The following KIF13A variants were observed in gnomAD, a reference collection of about 807,000 sequenced individuals.
KIF13A encodes the protein kinesin family member 13A.
In KIF13A, 79 loss-of-function variants were observed where a neutral mutation model predicts 212.2. The ratio of observed to expected loss-of-function variants is 0.37; its 90% CI spans 0.31 to 0.45. The LOEUF is 0.45. KIF13A is among the 20% of genes least tolerant of loss of function. The pLI is 1.00. For synonymous variants in KIF13A, 789 were observed against 808.6 expected (o/e 0.98, Z 0.41); for missense variants, 1,901 against 2,209.0 (o/e 0.86, Z 2.79).
At chr6:17,861,933 T>C (rs1386611417) in intron 4 of KIF13A, among the ~76,000 whole-genome samples, 1 of 152,252 alleles carries the variant, frequency 6.6e-6, no homozygotes, top group Admixed American at 6.5e-5. Flanking sequence ...GCCTATGATA[T>C]GTGCTATGCC....
chr6:17,960,868 A>T (rs1778760410), intron 2 of KIF13A, among the ~76,000 whole-genome samples: 2 of 152,234 alleles, frequency 1.3e-5, no homozygotes, highest in African/African-American at 4.8e-5. Context: ...GAGTGAATTC[A>T]CAGTATAACG....
chr6:17,849,806 A>G lies in KIF13A; in HGVS notation c.718-317T>C, dbSNP rs676754. 0.57 allele frequency among the ~76,000 whole-genome samples: 86,344 copies of G among 152,010 alleles called. 24,797 individuals carry two copies. The highest frequency in any genetic ancestry group is 0.65 in the African/African-American group (27,052 of 41,454). ...GGACATGAGGATTTCTGCACATTCA[A>G]GTCAAATCCTTCTTCCTTTGAAAAA... On this transcript the variant is annotated intron_variant, in intron 8 of 38. Transcript: ENST00000259711. This position sits in a 1 kb window ranked among gnomAD's most constrained non-coding sequence, Gnocchi z 5.7.
rs1356133994 is a variant in KIF13A at position 17,834,698 on chromosome 6, C to T, written c.1156-627G>A. 2.0e-5 allele frequency among the ~76,000 whole-genome samples: 3 copies of T among 152,116 alleles called. No individual in the cohort carries two copies. Among genetic ancestry groups the T allele is most frequent in the Admixed American group, 1.3e-4 (2 of 15,274 alleles). ...CTTAACAAAATTTTGAGGGGAGAGG[C>T]CTTTACTTGTCAATAATATGCTTTG... is the stretch of plus-strand genomic sequence containing the variant. On this transcript the variant is annotated intron_variant, in intron 11 of 38. Transcript: ENST00000259711. The surrounding 1 kb of genome is among the most constrained non-coding windows in gnomAD (Gnocchi z 4.0).
At chr6:17,957,553 A>G (rs1181721718) in intron 2 of KIF13A, among the ~76,000 whole-genome samples, 1 of 152,194 alleles carries the variant, frequency 6.6e-6, no homozygotes, top group Non-Finnish European at 1.5e-5. Flanking sequence ...CCCAACTTGA[A>G]GCTGGTAGGT....
At chr6:17,920,764 C>T (rs1265869840) in intron 2 of KIF13A, among the ~76,000 whole-genome samples, 2 of 151,666 alleles carry the variant, frequency 1.3e-5, no homozygotes, top group Admixed American at 1.3e-4. Flanking sequence ...ATCCCAGCTA[C>T]CCAGGAGGCT....
chr6:17,847,807 C>CTAT (rs555293356), intron 9 of KIF13A, among the ~76,000 whole-genome samples: 10 of 151,944 alleles, frequency 6.6e-5, no homozygotes, highest in Non-Finnish European at 1.2e-4. Flanking sequence ...GAAGTAGGTA[C>CTAT]TATTATTATT....
At position 17,837,232 on chromosome 6, in the gene KIF13A, G is replaced by A. The variant is rs939577719; in HGVS notation, c.943-142C>T. On this transcript the variant is annotated intron_variant, in intron 10 of 38. Transcript: ENST00000259711. The surrounding 1 kb of genome is among the most constrained non-coding windows in gnomAD (Gnocchi z 5.4). ...AATGGACTTGCATTTCACAAATAAC[G>A]TCATGACAAGATGAAATGTGTCCTC... 2.8e-5 allele frequency: 22 copies of A among 787,394 alleles called. No homozygotes were observed. Among genetic ancestry groups the A allele is most frequent in the Admixed American group, 1.6e-4 (6 of 38,682 alleles). 48.8% of individuals were successfully genotyped at this position (787,394 alleles called of 1,614,324 possible). A position where few individuals can be genotyped will look rare whatever the true frequency, so the allele number is the denominator to read the frequency against.
At chr6:17,833,737 T>C (rs1286510860) in intron 12 of KIF13A, among the ~76,000 whole-genome samples, 1 of 150,138 alleles carries the variant, frequency 6.7e-6, no homozygotes, top group African/African-American at 2.5e-5. Flanking sequence ...GCACCTGTAA[T>C]CCCAGCTACT....
Position 17,987,089 on chromosome 6 carries a change from C to A in KIF13A, c.111G>T (p.Leu37=). The A allele has an allele frequency of 6.2e-7, 1 of 1,613,660 alleles. No homozygotes were observed. The highest frequency in any genetic ancestry group is 8.5e-7 in the Non-Finnish European group (1 of 1,179,610). The change falls in exon 2 of 39, where the codon CTG becomes CTT. Residue 37 remains leucine (L), a synonymous_variant. Transcript: ENST00000259711. This position sits in a 1 kb window ranked among gnomAD's most constrained non-coding sequence, Gnocchi z 7.7. ...VVEMEGNQTV[L]HPPPSNTKQG... ...GTTTGGTGTTAGAAGGAGGAGGGTG[C>A]AGGACCGTTTGATTCCCTTCCATCT...
intron 3 of KIF13A, among the ~76,000 whole-genome samples, chr6:17,877,681 T>G (rs1472059522): frequency 6.6e-6 from 1 of 152,192 alleles, no homozygotes; most frequent in East Asian, 1.9e-4. Context: ...TTGTTTTTTT[T>G]GAAGTATCTT....
chr6:17,869,496 G>A (rs1356219669), intron 4 of KIF13A, among the ~76,000 whole-genome samples: 3 of 152,244 alleles, frequency 2.0e-5, no homozygotes, highest in East Asian at 3.9e-4. Flanking sequence ...TTTACCATAT[G>A]AGGAAACAGA....
chr6:17,986,244 T>C lies in KIF13A; in HGVS notation c.146+810A>G, dbSNP rs534602568. On this transcript the variant is annotated intron_variant, in intron 2 of 38. Transcript: ENST00000259711. ...TTTACAAGCTACTGCATTATTATAT[T>C]GAATGAATTCCAACCGATTTCTTCT... is the stretch of plus-strand genomic sequence containing the variant. Among the ~76,000 whole-genome samples, 10 of 152,364 alleles carry C rather than the reference T, an allele frequency of 6.6e-5. No individual in the cohort carries two copies. The South Asian group carries it at 2.1e-3, about 32-fold the overall frequency.
In KIF13A at chr6:17,987,564, G is replaced by T. The variant is rs112042959; in HGVS notation, c.-101C>A. 1.8e-6 allele frequency: 1 copy of T among 554,686 alleles called. No individual in the cohort carries two copies. The highest frequency in any genetic ancestry group is 2.1e-5 in the African/African-American group (1 of 48,474). The allele number at this position is 554,686 out of a possible 1,614,324, so 34.4% of individuals were successfully genotyped here. A position where few individuals can be genotyped will look rare whatever the true frequency, so the allele number is the denominator to read the frequency against. ...CTGCAGCCGCGCGCCCCTCGAGCGC[G>T]GCCGCCGCCGCTCCGCCGTGAGCTC... is the stretch of plus-strand genomic sequence containing the variant. On this transcript the variant is annotated 5_prime_UTR_variant, in exon 1 of 39. Transcript: ENST00000259711. The surrounding 1 kb of genome is among the most constrained non-coding windows in gnomAD (Gnocchi z 7.7).
chr6:17,975,166 A>G (rs1038026945), intron 2 of KIF13A, among the ~76,000 whole-genome samples: 1 of 152,196 alleles, frequency 6.6e-6, no homozygotes, highest in African/African-American at 2.4e-5. Flanking sequence ...CAACATAGTG[A>G]AACCCTATCT....
chr6:17,784,198 T>G (rs116727793), intron 28 of KIF13A, among the ~76,000 whole-genome samples: 6,936 of 152,124 alleles, frequency 0.046, 537 homozygotes, highest in African/African-American at 0.16. Flanking sequence ...GGCAGGAAGA[T>G]GGTTTGAGGA....
In KIF13A at chr6:17,789,635, C is replaced by T. The variant is rs975408297; in HGVS notation, c.3261+237G>A. ...ATAATGGTCTTGCTTAGCAATAAGC[C>T]AGTAAATCGAGATGGCATAGCAAAA... On this transcript the variant is annotated intron_variant, in intron 26 of 38. Transcript: ENST00000259711. The surrounding 1 kb of genome is among the most constrained non-coding windows in gnomAD (Gnocchi z 4.8). 2.0e-5 allele frequency among the ~76,000 whole-genome samples: 3 copies of T among 151,914 alleles called. No homozygotes were observed. Among genetic ancestry groups the T allele is most frequent in the Non-Finnish European group, 2.9e-5 (2 of 67,990 alleles).
chr6:17,818,500 A>C (rs147123931), intron 16 of KIF13A, among the ~76,000 whole-genome samples: 2 of 152,338 alleles, frequency 1.3e-5, no homozygotes, highest in African/African-American at 2.4e-5. Flanking sequence ...AAACAAAAAG[A>C]ATCAATTTTT....
intron 17 of KIF13A, among the ~76,000 whole-genome samples, chr6:17,814,453 T>G (rs568409711): frequency 6.6e-6 from 1 of 151,806 alleles, no homozygotes; most frequent in Non-Finnish European, 1.5e-5. Flanking sequence ...TTCACCATCT[T>G]GGCCAGGCTG....
chr6:17,851,892 G>T (rs1409416210), intron 7 of KIF13A, 63 bp downstream of exon 7: 12 of 803,870 alleles, frequency 1.5e-5, no homozygotes, highest in Admixed American at 3.6e-5. Flanking sequence ...AATATACTCA[G>T]TATCACTTAC....
Sources: allele counts gnomAD v4.1 joint callset (sites outside exome capture counted in the v4.1 genomes callset), GRCh38; gene constraint gnomAD v4.1.1; non-coding constraint Gnocchi (gnomAD v3.1); transcripts MANE v1.5; gene names NCBI Gene and HGNC (gene_info 2026-07-23, HGNC 2026-07-21).